MEI4: variants seen among roughly 807,000 people sequenced by gnomAD.
The protein encoded by MEI4 is meiotic double-stranded break formation protein 4, also known as meiosis-specific protein MEI4.
MEI4 carries 27 observed loss-of-function variants against 31.4 expected under a neutral mutation model. The observed-to-expected ratio is 0.86, with a 90% CI of 0.63 to 1.19. MEI4 has a LOEUF of 1.19. MEI4 is among the 50% of genes most tolerant of loss of function. The pLI is 0.00. For missense variants in MEI4, 329 were observed against 398.9 expected (o/e 0.82, Z 1.49); for synonymous variants, 122 against 145.4 (o/e 0.84, Z 1.16).
intron 4 of MEI4, among the ~76,000 whole-genome samples, chr6:77,893,651 T>A (rs1415266506): frequency 6.6e-6 from 1 of 152,198 alleles, no homozygotes; most frequent in Non-Finnish European, 1.5e-5. Context: ...TTGAAGAGAA[T>A]TTATAAAAGC....
chr6:77,773,517 A>T (rs1429044483), intron 3 of MEI4, among the ~76,000 whole-genome samples: 14 of 152,054 alleles, frequency 9.2e-5, no homozygotes, highest in Non-Finnish European at 2.1e-4. Flanking sequence ...ATCTGTCAAC[A>T]TATACAAAAA....
chr6:77,808,567 A>T (rs187955594), intron 3 of MEI4, among the ~76,000 whole-genome samples: 26 of 152,270 alleles, frequency 1.7e-4, no homozygotes, highest in Admixed American at 1.4e-3. Flanking sequence ...CTGGTATTTT[A>T]ATGTTTGCAA....
intron 2 of MEI4, among the ~76,000 whole-genome samples, chr6:77,697,879 C>T (rs945661876): frequency 6.6e-6 from 1 of 152,052 alleles, no homozygotes. Context: ...TAAAGTCTCC[C>T]ATTATTATTG....
At chr6:77,849,285 T>C (rs897008651) in intron 4 of MEI4, among the ~76,000 whole-genome samples, 3 of 152,158 alleles carry the variant, frequency 2.0e-5, no homozygotes, top group Admixed American at 2.0e-4. Flanking sequence ...TAAAAGAAGT[T>C]TGTGTGGTGG....
chr6:77,752,289 A>T (rs1767794409), intron 2 of MEI4, among the ~76,000 whole-genome samples: 1 of 152,172 alleles, frequency 6.6e-6, no homozygotes, highest in Non-Finnish European at 1.5e-5. Flanking sequence ...CAGGAGAAAG[A>T]AATAAAGGGT....
chr6:77,781,694 A>C (rs969799341), intron 3 of MEI4, among the ~76,000 whole-genome samples: 13 of 152,088 alleles, frequency 8.5e-5, no homozygotes, highest in African/African-American at 3.1e-4. Context: ...TATTATCTCT[A>C]TTTTACAGAT....
intron 3 of MEI4, among the ~76,000 whole-genome samples, chr6:77,822,396 G>T (rs1769847499): frequency 6.6e-6 from 1 of 151,962 alleles, no homozygotes; most frequent in Non-Finnish European, 1.5e-5. Flanking sequence ...TATGGTAAGG[G>T]TTTATCATGT....
intron 4 of MEI4, among the ~76,000 whole-genome samples, chr6:77,899,165 C>A (rs1294627767): frequency 6.6e-6 from 1 of 151,922 alleles, no homozygotes; most frequent in African/African-American, 2.4e-5. Context: ...CATATTTTGC[C>A]AGTCATTAAT....
intron 4 of MEI4, among the ~76,000 whole-genome samples, chr6:77,896,178 G>A (rs1375142582): frequency 6.6e-6 from 1 of 151,982 alleles, no homozygotes; most frequent in East Asian, 1.9e-4. Flanking sequence ...GAGAACAGAG[G>A]AATGCAAGCT....
At chr6:77,904,680 A>G (rs1168818722) in intron 4 of MEI4, among the ~76,000 whole-genome samples, 1 of 152,280 alleles carries the variant, frequency 6.6e-6, no homozygotes, top group African/African-American at 2.4e-5. Flanking sequence ...CATGATGTAT[A>G]TGCACCACAT....
At chr6:77,696,982 G>A (rs1449227049) in intron 2 of MEI4, among the ~76,000 whole-genome samples, 14 of 152,034 alleles carry the variant, frequency 9.2e-5, no homozygotes, top group Non-Finnish European at 1.5e-4. Context: ...ACTTCTTCTT[G>A]GTTTAGTCTT....
chr6:77,818,415 C>G (rs1769739393), intron 3 of MEI4, among the ~76,000 whole-genome samples: 1 of 151,966 alleles, frequency 6.6e-6, no homozygotes, highest in Non-Finnish European at 1.5e-5. Flanking sequence ...TTTGCCTTTT[C>G]TAGTTTTTTA....
chr6:77,691,345 G>A (rs1320859226), intron 2 of MEI4, among the ~76,000 whole-genome samples: 1 of 151,994 alleles, frequency 6.6e-6, no homozygotes, highest in Non-Finnish European at 1.5e-5. Context: ...GAAAACAGGT[G>A]TATAAATAAT....
chr6:77,763,920 T>C (rs1347027572), intron 3 of MEI4, among the ~76,000 whole-genome samples: 3 of 152,126 alleles, frequency 2.0e-5, no homozygotes, highest in Non-Finnish European at 2.9e-5. Context: ...TTCAGGCGAT[T>C]CTCCTGCCTC....
intron 4 of MEI4, among the ~76,000 whole-genome samples, chr6:77,893,681 T>G (rs1766017930): frequency 6.6e-6 from 1 of 152,206 alleles, no homozygotes; most frequent in African/African-American, 2.4e-5. Flanking sequence ...CCAAAGTCCC[T>G]TTCTTGTTCT....
intron 3 of MEI4, among the ~76,000 whole-genome samples, chr6:77,786,559 A>C (rs1768741064): frequency 6.6e-6 from 1 of 152,158 alleles, no homozygotes; most frequent in African/African-American, 2.4e-5. Flanking sequence ...AGGTGCTAGG[A>C]AATGTAATAA....
chr6:77,701,431 T>C (rs1198634070), intron 2 of MEI4, among the ~76,000 whole-genome samples: 1 of 151,982 alleles, frequency 6.6e-6, no homozygotes, highest in Non-Finnish European at 1.5e-5. Context: ...TGTGTGCGGG[T>C]GGGGCAGGGG....
At chr6:77,801,098 T>C (rs1293255599) in intron 3 of MEI4, among the ~76,000 whole-genome samples, 4 of 152,336 alleles carry the variant, frequency 2.6e-5, no homozygotes, top group Non-Finnish European at 5.9e-5. Context: ...TCTGGTAGAA[T>C]TCGGCTGTGA....
At chr6:77,680,735 A>G (rs935618804) in intron 1 of MEI4, among the ~76,000 whole-genome samples, 1 of 151,894 alleles carries the variant, frequency 6.6e-6, no homozygotes, top group Non-Finnish European at 1.5e-5. Context: ...CATGTAGACT[A>G]TAATAAAGGA....
Sources: allele counts gnomAD v4.1 joint callset (sites outside exome capture counted in the v4.1 genomes callset), GRCh38; gene constraint gnomAD v4.1.1; transcripts MANE v1.5; gene names NCBI Gene and HGNC (gene_info 2026-07-23, HGNC 2026-07-21).